Variants in TFEC observed in about 807,000 individuals in gnomAD.
TFEC encodes class E basic helix-loop-helix protein 34.
Under a neutral mutation model 41.6 loss-of-function variants are expected in TFEC, and 31 were observed. The ratio of observed to expected loss-of-function variants is 0.74; its 90% CI spans 0.56 to 1.01. TFEC has a LOEUF of 1.01. Ranked by LOEUF, TFEC falls within the 50% of genes least tolerant of loss-of-function variation. The probability of loss-of-function intolerance (pLI) is 0.00; values close to 1 mark genes in which losing one functional copy is unlikely to be tolerated. For missense variants in TFEC, 402 were observed against 404.1 expected (o/e 0.99, Z 0.04); for synonymous variants, 143 against 140.6 (o/e 1.02, Z -0.12).
intron 3 of TFEC, among the ~76,000 whole-genome samples, chr7:116,052,583 C>T (rs1324800385): frequency 6.6e-6 from 1 of 151,940 alleles, no homozygotes; most frequent in Non-Finnish European, 1.5e-5. Context: ...CACATGCCAC[C>T]ACGCCCTTCT....
chr7:116,052,844 C>T (rs947959176), intron 3 of TFEC, among the ~76,000 whole-genome samples: 18 of 151,540 alleles, frequency 1.2e-4, no homozygotes, highest in Non-Finnish European at 2.5e-4. Flanking sequence ...CCGAGGTGGG[C>T]GGATCACGAG....
chr7:116,100,945 T>G (rs1157909880), intron 3 of TFEC, among the ~76,000 whole-genome samples: 1 of 150,886 alleles, frequency 6.6e-6, no homozygotes, highest in Non-Finnish European at 1.5e-5. Context: ...GAAGCAAATG[T>G]TTTTTTTTCC....
At chr7:115,951,363 C>T (rs115921694) in intron 5 of TFEC, among the ~76,000 whole-genome samples, 1,839 of 152,174 alleles carry the variant, frequency 0.012, 37 homozygotes, top group African/African-American at 0.042. Context: ...CAAAGCCTAA[C>T]GCAATGTTTA....
chr7:116,075,330 A>G (rs951025875), intron 3 of TFEC, among the ~76,000 whole-genome samples: 4 of 152,156 alleles, frequency 2.6e-5, no homozygotes, highest in African/African-American at 9.7e-5. Flanking sequence ...GACTCACATC[A>G]TGAAATTTTG....
intron 3 of TFEC, among the ~76,000 whole-genome samples, chr7:116,060,385 C>A (rs182903695): frequency 1.3e-3 from 199 of 152,144 alleles, no homozygotes; most frequent in African/African-American, 4.5e-3. Context: ...TGAATATAAA[C>A]CATTCTACCA....
At chr7:115,973,727 A>C (rs1300546439) in intron 3 of TFEC, among the ~76,000 whole-genome samples, 1 of 151,982 alleles carries the variant, frequency 6.6e-6, no homozygotes, top group African/African-American at 2.4e-5. Flanking sequence ...CTTAGAAGTA[A>C]ATTTATATTT....
At chr7:116,103,839 A>T (rs1182599986) in intron 3 of TFEC, among the ~76,000 whole-genome samples, 1 of 152,210 alleles carries the variant, frequency 6.6e-6, no homozygotes, top group Non-Finnish European at 1.5e-5. Flanking sequence ...AGTATTTTTT[A>T]ATCAATGCCA....
At chr7:116,126,832 T>C (rs1280612484) in intron 1 of TFEC, among the ~76,000 whole-genome samples, 4 of 152,036 alleles carry the variant, frequency 2.6e-5, no homozygotes, top group Admixed American at 6.6e-5. Flanking sequence ...GAACAAATGA[T>C]ACCTAAAGAA....
At chr7:116,108,180 A>C (rs1797763879) in intron 3 of TFEC, among the ~76,000 whole-genome samples, 1 of 152,226 alleles carries the variant, frequency 6.6e-6, no homozygotes, top group Admixed American at 6.5e-5. Context: ...TTTAAGACGC[A>C]AAGGTATTTT....
chr7:116,061,822 T>C (rs1796564218), intron 3 of TFEC, among the ~76,000 whole-genome samples: 1 of 152,126 alleles, frequency 6.6e-6, no homozygotes, highest in Non-Finnish European at 1.5e-5. Context: ...GGTATATGGA[T>C]AGCAAATAAG....
intron 3 of TFEC, among the ~76,000 whole-genome samples, chr7:115,967,915 C>T (rs1278655235): frequency 6.6e-6 from 1 of 151,580 alleles, no homozygotes; most frequent in African/African-American, 2.4e-5. Flanking sequence ...GTTTGAAACC[C>T]TCATCTTTTG....
intron 1 of TFEC, among the ~76,000 whole-genome samples, chr7:116,010,936 A>C (rs1794978500): frequency 6.6e-6 from 1 of 152,176 alleles, no homozygotes; most frequent in South Asian, 2.1e-4. Context: ...CAACACTATT[A>C]TAACTTTCAT....
chr7:116,053,106 A>G (rs904769550), intron 3 of TFEC, among the ~76,000 whole-genome samples: 6 of 152,094 alleles, frequency 3.9e-5, no homozygotes, highest in African/African-American at 1.2e-4. Flanking sequence ...ATGGAAGGTT[A>G]ACAATGGGTT....
chr7:116,072,057 C>T (rs117613899), intron 3 of TFEC, among the ~76,000 whole-genome samples: 6,117 of 151,566 alleles, frequency 0.04, 195 homozygotes, highest in Middle Eastern at 0.092. Flanking sequence ...AAAATTACAG[C>T]TATAGCTGAA....
chr7:116,146,078 A>G (rs1798635154), intron 1 of TFEC, among the ~76,000 whole-genome samples: 1 of 152,240 alleles, frequency 6.6e-6, no homozygotes, highest in Non-Finnish European at 1.5e-5. Flanking sequence ...CGAGTACAGT[A>G]TACCCAATAA....
At chr7:115,966,525 ATAAT>A (rs981533948) in intron 3 of TFEC, among the ~76,000 whole-genome samples, 1 of 151,750 alleles carries the variant, frequency 6.6e-6, no homozygotes, top group African/African-American at 2.4e-5. Context: ...CTCTAGTATT[ATAAT>A]TGTCATTTTA....
chr7:116,108,030 T>C (rs1797760819), intron 3 of TFEC, among the ~76,000 whole-genome samples: 1 of 152,140 alleles, frequency 6.6e-6, no homozygotes, highest in Non-Finnish European at 1.5e-5. Flanking sequence ...AAACAAAGAT[T>C]ATAGAACTCA....
At position 116,019,064 on chromosome 7, in the gene TFEC, G is replaced by GA. The variant is rs906214098; in HGVS notation, c.-73+11568dup. 3.9e-4 allele frequency among the ~76,000 whole-genome samples: 59 copies of GA among 149,916 alleles called. 1 individual carries two copies. The highest frequency in any genetic ancestry group is 1.4e-3 in the African/African-American group (59 of 40,862). On this transcript the variant is annotated intron_variant, in intron 1 of 7. Transcript: ENST00000265440. ...AGCAATGGGCAGGCCAAAGAGTGAG[G>GA]AAAAAAAAATAGCCAATGGATTAGG...
intron 3 of TFEC, among the ~76,000 whole-genome samples, chr7:116,098,024 T>G (rs1797509628): frequency 6.6e-6 from 1 of 152,160 alleles, no homozygotes; most frequent in African/African-American, 2.4e-5. Context: ...CTGTAACTGA[T>G]CTAAACATAT....
Sources: gnomAD v4.1 joint callset for allele counts (sites outside exome capture counted in the v4.1 genomes callset) on GRCh38, gnomAD v4.1.1 for gene constraint, MANE v1.5 for transcripts, NCBI Gene and HGNC (gene_info 2026-07-23, HGNC 2026-07-21) for gene names.